Variants in RIMS1 observed in about 807,000 individuals in gnomAD.
RIMS1 encodes the protein regulating synaptic membrane exocytosis 1, also known as regulating synaptic membrane exocytosis protein 1.
Under a neutral mutation model 214.1 loss-of-function variants are expected in RIMS1, and 83 were observed. The observed-to-expected ratio is 0.39, with a 90% confidence interval of 0.32 to 0.47. RIMS1 has a LOEUF of 0.47. RIMS1 is among the 20% of genes least tolerant of loss of function. RIMS1 has a pLI of 0.99. For synonymous variants in RIMS1, 793 were observed against 786.8 expected (o/e 1.01, Z -0.13); for missense variants, 2,050 against 2,161.8 (o/e 0.95, Z 1.03).
intron 4 of RIMS1, among the ~76,000 whole-genome samples, chr6:72,127,536 C>T (rs1272021314): frequency 2.0e-5 from 3 of 152,168 alleles, no homozygotes; most frequent in South Asian, 2.1e-4. Context: ...CTCCCAGGAC[C>T]TCAGAGACAT....
intron 1 of RIMS1, among the ~76,000 whole-genome samples, chr6:71,891,931 A>G (rs931174288): frequency 1.2e-4 from 18 of 152,226 alleles, no homozygotes; most frequent in Non-Finnish European, 2.2e-4. Flanking sequence ...ATCCGCCCAT[A>G]CCTGTAATAA....
chr6:72,026,465 C>A (rs1206377362), intron 2 of RIMS1, among the ~76,000 whole-genome samples: 4 of 115,504 alleles, frequency 3.5e-5, no homozygotes, highest in Admixed American at 2.8e-4. Flanking sequence ...GCCCCCCCCC[C>A]CAACTTTTTT....
At chr6:72,084,700 T>A (rs189037769) in intron 2 of RIMS1, among the ~76,000 whole-genome samples, 4 of 152,252 alleles carry the variant, frequency 2.6e-5, no homozygotes, top group African/African-American at 9.6e-5. Flanking sequence ...CCTCCTATGG[T>A]AAATTGAAAA....
chr6:72,298,526 G>A (rs1018798939), intron 26 of RIMS1, among the ~76,000 whole-genome samples: 1 of 151,992 alleles, frequency 6.6e-6, no homozygotes, highest in Non-Finnish European at 1.5e-5. Flanking sequence ...CTGAGTAACT[G>A]CTTTGCATGC....
At chr6:72,080,859 C>T (rs1283796883) in intron 2 of RIMS1, among the ~76,000 whole-genome samples, 1 of 152,112 alleles carries the variant, frequency 6.6e-6, no homozygotes, top group African/African-American at 2.4e-5. Flanking sequence ...TTTAAAAAAA[C>T]AGGGAAATCA....
chr6:72,070,486 G>GTT (rs1398216148), intron 2 of RIMS1, among the ~76,000 whole-genome samples: 1 of 152,074 alleles, frequency 6.6e-6, no homozygotes, highest in African/African-American at 2.4e-5. Context: ...TGTTGCCTGT[G>GTT]TTGCTCACCA....
At chr6:72,357,094 T>G (rs2097671868) in intron 29 of RIMS1, among the ~76,000 whole-genome samples, 1 of 152,208 alleles carries the variant, frequency 6.6e-6, no homozygotes, top group Admixed American at 6.5e-5. Context: ...GGCACCAAAA[T>G]TTGTCTAAGC....
intron 23 of RIMS1, among the ~76,000 whole-genome samples, chr6:72,281,041 C>A (rs2154212769): frequency 6.6e-6 from 1 of 152,108 alleles, no homozygotes; most frequent in Non-Finnish European, 1.5e-5. Flanking sequence ...TCACCAAAAT[C>A]GCCTGGCTAG....
intron 4 of RIMS1, among the ~76,000 whole-genome samples, chr6:72,123,170 T>C (rs141725145): frequency 0.011 from 1,729 of 152,034 alleles, 43 homozygotes; most frequent in Non-Finnish European, 0.018. Flanking sequence ...TGATATGTTG[T>C]GTCTTTGTTC....
intron 1 of RIMS1, among the ~76,000 whole-genome samples, chr6:71,892,164 G>A (rs1434865449): frequency 6.6e-6 from 1 of 152,096 alleles, no homozygotes; most frequent in Non-Finnish European, 1.5e-5. Flanking sequence ...GTTCTTTTAA[G>A]TCTTTAAAAA....
At chr6:72,256,438 T>C (rs993047415) in intron 16 of RIMS1, among the ~76,000 whole-genome samples, 5 of 152,100 alleles carry the variant, frequency 3.3e-5, no homozygotes, top group African/African-American at 9.7e-5. Context: ...AATTTCTATA[T>C]AACCACAAAG....
chr6:72,278,215 T>C (rs1006612377), intron 23 of RIMS1, among the ~76,000 whole-genome samples: 3 of 151,904 alleles, frequency 2.0e-5, no homozygotes, highest in Non-Finnish European at 2.9e-5. Flanking sequence ...TTTTTAAGGG[T>C]ACAATTTAGT....
intron 1 of RIMS1, among the ~76,000 whole-genome samples, chr6:71,916,884 A>G (rs939201387): frequency 6.6e-6 from 1 of 152,056 alleles, no homozygotes; most frequent in African/African-American, 2.4e-5. Flanking sequence ...TTCTTCATTT[A>G]ATATTTATTA....
chr6:72,284,233 C>A (rs535841047), intron 24 of RIMS1, 115 bp downstream of exon 24: 2 of 772,822 alleles, frequency 2.6e-6, no homozygotes, highest in Non-Finnish European at 4.1e-6. Flanking sequence ...TGTTTAAAGG[C>A]ATTCATGTAA....
intron 2 of RIMS1, among the ~76,000 whole-genome samples, chr6:72,088,644 CCTT>C (rs1403879205): frequency 4.6e-5 from 7 of 152,124 alleles, no homozygotes; most frequent in Non-Finnish European, 1.0e-4. Context: ...TATGTTTTAT[CCTT>C]CTTAGTGGCT....
chr6:72,352,052 T>G (rs956347979), intron 29 of RIMS1, among the ~76,000 whole-genome samples: 1 of 152,214 alleles, frequency 6.6e-6, no homozygotes, highest in Non-Finnish European at 1.5e-5. Context: ...GTCTGTGCTC[T>G]AAATGGGGCA....
At chr6:72,195,051 T>G (rs1449530071) in intron 6 of RIMS1, among the ~76,000 whole-genome samples, 1 of 152,096 alleles carries the variant, frequency 6.6e-6, no homozygotes, top group East Asian at 1.9e-4. Flanking sequence ...GATTCGTGCC[T>G]GTGAGGAATT....
chr6:72,361,084 G>A (rs1193857491), intron 29 of RIMS1, among the ~76,000 whole-genome samples: 21 of 145,130 alleles, frequency 1.4e-4, no homozygotes, highest in Non-Finnish European at 2.7e-4. Context: ...CTGTAGGAAC[G>A]GGTCTTTCTT....
intron 19 of RIMS1, 80 bp from the exon 20 acceptor site, chr6:72,264,895 C>T: frequency 1.2e-6 from 1 of 855,874 alleles, no homozygotes; most frequent in Non-Finnish European, 1.9e-6. Flanking sequence ...TTATAGGCCT[C>T]CTACTTTCTG....
Sources: gnomAD v4.1 joint callset for allele counts (sites outside exome capture counted in the v4.1 genomes callset) on GRCh38, gnomAD v4.1.1 for gene constraint, MANE v1.5 for transcripts, NCBI Gene and HGNC (gene_info 2026-07-23, HGNC 2026-07-21) for gene names.